The following BAZ2B variants were observed in gnomAD, a reference collection of about 807,000 sequenced individuals.
BAZ2B encodes bromodomain adjacent to zinc finger domain protein 2B.
Under a neutral mutation model 246.0 loss-of-function variants are expected in BAZ2B, and 91 were observed. That is an observed-to-expected ratio of 0.37 (90% CI 0.31 to 0.44). The LOEUF is 0.44. Among genes scored for constraint, BAZ2B ranks in the 20% least tolerant of loss-of-function variants. The pLI, the probability that BAZ2B is intolerant of heterozygous loss-of-function variation, is 1.00. For synonymous variants in BAZ2B, 855 were observed against 860.0 expected (o/e 0.99, Z 0.10); for missense variants, 2,332 against 2,533.7 (o/e 0.92, Z 1.71).
chr2:159,443,362 G>A (rs1406774965), intron 6 of BAZ2B, among the ~76,000 whole-genome samples: 1 of 151,922 alleles, frequency 6.6e-6, no homozygotes, highest in East Asian at 1.9e-4. Flanking sequence ...GACTATATGA[G>A]GGGACTGGAC....
intron 4 of BAZ2B, among the ~76,000 whole-genome samples, chr2:159,451,129 C>G (rs920301641): frequency 4.6e-5 from 7 of 152,018 alleles, no homozygotes; most frequent in African/African-American, 1.7e-4. Context: ...ATCGTTCATA[C>G]TTGATAGAGC....
chr2:159,500,040 T>C (rs2151093011), intron 2 of BAZ2B, among the ~76,000 whole-genome samples: 1 of 152,352 alleles, frequency 6.6e-6, no homozygotes, highest in South Asian at 2.1e-4. Flanking sequence ...CATTTATCAG[T>C]ATTTGCTTTT....
chr2:159,477,326 AATAT>A (rs911131587), intron 3 of BAZ2B, among the ~76,000 whole-genome samples: 1 of 151,446 alleles, frequency 6.6e-6, no homozygotes, highest in African/African-American at 2.4e-5. Flanking sequence ...AAAATTAAAA[AATAT>A]ATATATATGT....
intron 27 of BAZ2B, among the ~76,000 whole-genome samples, chr2:159,361,375 G>T (rs1559108198): frequency 6.6e-6 from 1 of 152,324 alleles, no homozygotes; most frequent in East Asian, 1.9e-4. Context: ...GGTCATTAGA[G>T]AAATGCAAAT....
chr2:159,630,747 G>C, the BAZ2B span, among the ~76,000 whole-genome samples: 2 of 152,036 alleles, frequency 1.3e-5, no homozygotes, highest in Admixed American at 1.3e-4. Context: ...TGTTAGCCAG[G>C]ATGGTCTCGA....
intron 11 of BAZ2B, 91 bp from the exon 12 acceptor site, chr2:159,428,510 G>C: frequency 4.6e-6 from 4 of 865,030 alleles, no homozygotes; most frequent in Non-Finnish European, 6.8e-6. Flanking sequence ...ATGTTCTCTA[G>C]AAAACATAAA....
Position 159,347,471 on chromosome 2 carries a change from C to A in BAZ2B, c.5454+15G>T. On this transcript the variant is annotated intron_variant, in intron 31 of 36. Coordinates refer to ENST00000392783, the MANE Select transcript of BAZ2B (RefSeq NM_013450.4). ...CATTATCCTAAAAACATATTTTATT[C>A]CAAGTCGATTTTACCTTCACTTGCA... 5 of 1,609,862 alleles carry A rather than the reference C, an allele frequency of 3.1e-6. No homozygotes were observed. Among genetic ancestry groups the A allele is most frequent in the Non-Finnish European group, 4.2e-6 (5 of 1,176,560 alleles).
intron 3 of BAZ2B, among the ~76,000 whole-genome samples, chr2:159,458,131 C>T (rs932518207): frequency 6.6e-6 from 1 of 151,864 alleles, no homozygotes; most frequent in African/African-American, 2.4e-5. Flanking sequence ...CCTCAGCCTC[C>T]TGAGTAGCTG....
At chr2:159,380,157 T>C (rs2061833725) in intron 25 of BAZ2B, among the ~76,000 whole-genome samples, 1 of 151,286 alleles carries the variant, frequency 6.6e-6, no homozygotes, top group African/African-American at 2.4e-5. Flanking sequence ...TTATCTTAAA[T>C]CCCCTTCTCT....
intron 3 of BAZ2B, among the ~76,000 whole-genome samples, chr2:159,473,501 CA>C (rs1202989468): frequency 1.3e-5 from 2 of 151,998 alleles, no homozygotes; most frequent in African/African-American, 4.8e-5. Context: ...TTGATCTTTT[CA>C]AAAAACCAGC....
intron 4 of BAZ2B, among the ~76,000 whole-genome samples, chr2:159,452,604 T>C (rs909682924): frequency 4.6e-5 from 7 of 152,214 alleles, no homozygotes; most frequent in Non-Finnish European, 7.3e-5. Context: ...CTCACTAAAA[T>C]TTATTAAAGC....
At chr2:159,709,060 A>G in the BAZ2B span, among the ~76,000 whole-genome samples, 1 of 152,180 alleles carries the variant, frequency 6.6e-6, no homozygotes, top group African/African-American at 2.4e-5. Flanking sequence ...AATCCCTTAC[A>G]TCAAAGACTT....
intron 6 of BAZ2B, among the ~76,000 whole-genome samples, chr2:159,440,621 A>G (rs543569050): frequency 1.3e-5 from 2 of 151,598 alleles, no homozygotes; most frequent in African/African-American, 4.8e-5. Context: ...GGTTCAAGCA[A>G]TTCTCTGCCT....
chr2:159,320,103 AG>A lies in BAZ2B; in HGVS notation c.*161del. 4.9e-6 allele frequency: 3 copies of A among 612,522 alleles called. No homozygotes were observed. In the South Asian group the frequency reaches 1.3e-4, roughly 27 times the overall value. The allele number at this position is 612,522 out of a possible 1,614,324, so 37.9% of individuals were successfully genotyped here. ...AGGGCCTTGGTTGTTGTAGGAATGA[AG>A]CCTTTAAAAATGGTATCATTCTTCT... On this transcript the variant is annotated 3_prime_UTR_variant, in exon 37 of 37. Coordinates refer to ENST00000392783, the MANE Select transcript of BAZ2B (RefSeq NM_013450.4).
chr2:159,491,748 T>TAAAAAAAAAAAAAAAAAAA (rs2080526754), intron 2 of BAZ2B, among the ~76,000 whole-genome samples: 1 of 104,632 alleles, frequency 9.6e-6, no homozygotes, highest in African/African-American at 4.1e-5. Flanking sequence ...AAAAAAAAAG[T>TAAAAAAAAAAAAAAAAAAA]CTTCTGTTAA....
intron 2 of BAZ2B, among the ~76,000 whole-genome samples, chr2:159,550,209 A>G (rs112814614): frequency 1.1e-3 from 169 of 152,334 alleles, no homozygotes; most frequent in African/African-American, 3.9e-3. Flanking sequence ...GCCAGGAGTG[A>G]CAGAAAGCCC....
chr2:159,702,972 A>G, the BAZ2B span, among the ~76,000 whole-genome samples: 1 of 152,106 alleles, frequency 6.6e-6, no homozygotes, highest in Non-Finnish European at 1.5e-5. Flanking sequence ...TGAACCCAGG[A>G]GGTGGAGCTT....
chr2:159,642,452 G>A, the BAZ2B span, among the ~76,000 whole-genome samples: 1 of 151,552 alleles, frequency 6.6e-6, no homozygotes, highest in Admixed American at 6.6e-5. Context: ...TAGCCAGGCT[G>A]GTCTTGAATT....
intron 1 of BAZ2B, among the ~76,000 whole-genome samples, chr2:159,576,714 C>T (rs567372417): frequency 6.9e-6 from 1 of 144,256 alleles, no homozygotes; most frequent in Non-Finnish European, 1.5e-5. Flanking sequence ...GAGTTCGAGA[C>T]CAGCCTGGCT....
Sources: allele counts gnomAD v4.1 joint callset (sites outside exome capture counted in the v4.1 genomes callset), GRCh38; gene constraint gnomAD v4.1.1; transcripts MANE v1.5; gene names NCBI Gene and HGNC (gene_info 2026-07-23, HGNC 2026-07-21).